Variants in CENPU observed in about 807,000 individuals in gnomAD.
CENPU encodes the protein centromere protein U.
Under a neutral mutation model 56.7 loss-of-function variants are expected in CENPU, and 46 were observed. The ratio of observed to expected loss-of-function variants is 0.81; its 90% CI spans 0.64 to 1.04. The LOEUF (loss-of-function observed/expected upper bound fraction) is 1.04, where lower values mean the gene tolerates loss of function less well. Among genes scored for constraint, CENPU ranks in the 50% least tolerant of loss-of-function variants. CENPU has a pLI of 0.00. For missense variants in CENPU, 510 were observed against 490.1 expected (o/e 1.04, Z -0.38); for synonymous variants, 166 against 163.0 (o/e 1.02, Z -0.14).
At chr4:184,698,383 C>A (rs1382924013) in intron 11 of CENPU, 1 of 152,186 alleles carries the variant, frequency 6.6e-6, no homozygotes, top group Non-Finnish European at 1.5e-5. Flanking sequence ...GCAAAGGCGG[C>A]AAATTTTGTA....
At position 184,717,126 on chromosome 4, in the gene CENPU, T is replaced by G. The variant is rs200700037; in HGVS notation, c.381+10A>C. The G allele has an allele frequency of 2.2e-4, 342 of 1,589,464 alleles. 3 individuals carry two copies. The African/African-American group carries it at 4.3e-3, about 20-fold the overall frequency. ...CAAATTAAAGTAGAAGAGTGAATAC[T>G]CCTACATACCTTTTTTGCACTAATT... On this transcript the variant is annotated intron_variant, in intron 5 of 12. Transcript: ENST00000281453.
Position 184,725,042 on chromosome 4 carries a change from C to A in CENPU, c.235G>T (p.Ala79Ser). 6.2e-7 allele frequency: 1 copy of A among 1,609,718 alleles called. No homozygotes were observed. The highest frequency in any genetic ancestry group is 8.5e-7 in the Non-Finnish European group (1 of 1,177,826). ...ETFDPPLHST[A>S]IYADEEEFSK... The stretch of plus-strand genomic sequence containing the variant: ...AATTCTTCTTCATCAGCATATATAG[C>A]TGTGCTATGTAAAGGAGGATCTTTC... Residue 79 changes from alanine (A) to serine (S), a missense_variant, in exon 4 of 13, where the codon GCT becomes TCT. By Grantham distance (99) the Ala-to-Ser change is moderately conservative. Coordinates refer to ENST00000281453, the MANE Select transcript of CENPU (RefSeq NM_024629.4).
At chr4:184,726,365 C>T (rs1369112642) in intron 3 of CENPU, among the ~76,000 whole-genome samples, 1 of 144,568 alleles carries the variant, frequency 6.9e-6, no homozygotes, top group African/African-American at 2.6e-5. Flanking sequence ...ATAAGAAGGT[C>T]AAAGGGAAAA....
At chr4:184,726,991 T>A in intron 3 of CENPU, among the ~76,000 whole-genome samples, 1 of 138,392 alleles carries the variant, frequency 7.2e-6, no homozygotes, top group Non-Finnish European at 1.5e-5. Context: ...GGGGGGCGCC[T>A]GGAATCCCAG....
rs186906950 is a variant in CENPU, at chr4:184,715,427, T to C, written c.618+970A>G. ...CCCGGGTTCAAGGTGATTCTCCTGC[T>C]ACAACCTTCTGAGTAGCTGCGATTA... On this transcript the variant is annotated intron_variant, in intron 6 of 12. Coordinates refer to ENST00000281453, the MANE Select transcript of CENPU (RefSeq NM_024629.4). Among the ~76,000 whole-genome samples, 366 of 152,268 alleles carry C rather than the reference T, an allele frequency of 2.4e-3. 1 individual carries two copies. Among genetic ancestry groups the C allele is most frequent in the Admixed American group, 0.013 (205 of 15,304 alleles).
intron 11 of CENPU, among the ~76,000 whole-genome samples, chr4:184,699,763 C>T (rs1163920969): frequency 1.3e-5 from 2 of 152,062 alleles, no homozygotes; most frequent in African/African-American, 4.8e-5. Flanking sequence ...CAGGTTCAAG[C>T]GATTCTCGTG....
chr4:184,694,245 C>A lies in CENPU; in HGVS notation c.*1043G>T. 8.8e-7 allele frequency: 1 copy of A among 1,132,174 alleles called. No individual in the cohort carries two copies. The allele number at this position is 1,132,174 out of a possible 1,614,324, so 70.1% of individuals were successfully genotyped here. A position where few individuals can be genotyped will look rare whatever the true frequency, so the allele number is the denominator to read the frequency against. On this transcript the variant is annotated 3_prime_UTR_variant, in exon 13 of 13. Transcript: ENST00000281453. Reference sequence around the variant, plus strand: ...CACTTGTTAAAAAATTAAATCCACCCTTGCTCTTCCGTCGGGGAGTATTGA... The same window carrying A: ...CACTTGTTAAAAAATTAAATCCACCATTGCTCTTCCGTCGGGGAGTATTGA...
intron 4 of CENPU, among the ~76,000 whole-genome samples, chr4:184,724,122 T>A (rs991597754): frequency 2.0e-5 from 3 of 151,506 alleles, no homozygotes; most frequent in Admixed American, 6.6e-5. Flanking sequence ...AAAAATCAGC[T>A]GGGCATGGTG....
At chr4:184,700,033 T>G (rs189881175) in intron 11 of CENPU, among the ~76,000 whole-genome samples, 2 of 152,366 alleles carry the variant, frequency 1.3e-5, no homozygotes, top group African/African-American at 2.4e-5. Flanking sequence ...CATTCTTTTC[T>G]GATAATATCA....
At position 184,697,756 on chromosome 4, in the gene CENPU, T is replaced by C. The variant is rs771709484; in HGVS notation, c.1034A>G (p.Lys345Arg). 3.7e-6 allele frequency: 6 copies of C among 1,611,856 alleles called. No individual in the cohort carries two copies. In the Admixed American group the frequency reaches 8.4e-5, roughly 23 times the overall value. Reference protein sequence around the residue: ...KQLQTKYDELKERKSSLRNAA... With the variant: ...KQLQTKYDELRERKSSLRNAA... ...ATTCCTAAGGGAAGACTTTCTCTCTTTAAGTTCATCATATTTTGTTTGTAG... is the reference window on the plus strand; with the variant it reads ...ATTCCTAAGGGAAGACTTTCTCTCTCTAAGTTCATCATATTTTGTTTGTAG... Residue 345 changes from lysine (K) to arginine (R), a missense_variant, in exon 12 of 13, where the codon AAA (lysine) becomes AGA (arginine). Physicochemically the swap from Lys to Arg is conservative, Grantham distance 26. Transcript: ENST00000281453.
intron 7 of CENPU, 21 bp downstream of exon 7, chr4:184,712,923 G>A: frequency 6.7e-7 from 1 of 1,497,918 alleles, no homozygotes; most frequent in Non-Finnish European, 9.2e-7. Context: ...GAGTGACAAA[G>A]TATAAAACAT....
At chr4:184,720,898 G>A (rs1761251881) in intron 4 of CENPU, among the ~76,000 whole-genome samples, 3 of 152,068 alleles carry the variant, frequency 2.0e-5, no homozygotes, top group Non-Finnish European at 4.4e-5. Flanking sequence ...AATTCAAGCA[G>A]AAAGAAAAGG....
At chr4:184,704,405 G>A (rs545242700) in intron 8 of CENPU, among the ~76,000 whole-genome samples, 2 of 152,066 alleles carry the variant, frequency 1.3e-5, no homozygotes, top group Non-Finnish European at 2.9e-5. Context: ...CTGTCCAAGT[G>A]TGTATCCTGG....
intron 11 of CENPU, among the ~76,000 whole-genome samples, chr4:184,700,410 G>C (rs969508911): frequency 6.6e-6 from 1 of 152,194 alleles, no homozygotes; most frequent in East Asian, 1.9e-4. Flanking sequence ...GTATAGGTAT[G>C]ATTATTATTA....
intron 5 of CENPU, 142 bp downstream of exon 5, chr4:184,716,994 T>C (rs1040280096): frequency 3.6e-5 from 23 of 638,006 alleles, no homozygotes; most frequent in African/African-American, 3.3e-4. Context: ...TAGAACTTTA[T>C]GAAAAATGGT....
At chr4:184,707,816 C>T (rs934215942) in intron 8 of CENPU, among the ~76,000 whole-genome samples, 1 of 152,190 alleles carries the variant, frequency 6.6e-6, no homozygotes, top group Non-Finnish European at 1.5e-5. Flanking sequence ...ATATCCGAAA[C>T]CTTACCAGAA....
intron 8 of CENPU, among the ~76,000 whole-genome samples, chr4:184,704,719 G>T (rs1454836807): frequency 6.6e-6 from 1 of 152,114 alleles, no homozygotes; most frequent in Non-Finnish European, 1.5e-5. Context: ...ACTCATATGA[G>T]GTACCCAGAA....
chr4:184,723,525 C>G (rs1343740720), intron 4 of CENPU, among the ~76,000 whole-genome samples: 3 of 152,148 alleles, frequency 2.0e-5, no homozygotes, highest in Non-Finnish European at 1.5e-5. Context: ...AAATGTATGA[C>G]TTTTACTGAT....
At chr4:184,710,706 T>C (rs1402038676) in intron 7 of CENPU, among the ~76,000 whole-genome samples, 10 of 152,312 alleles carry the variant, frequency 6.6e-5, no homozygotes, top group Non-Finnish European at 1.5e-5. Flanking sequence ...CCAGAGGCTG[T>C]TTCCTCAATG....
Sources: allele counts gnomAD v4.1 joint callset (sites outside exome capture counted in the v4.1 genomes callset), GRCh38; gene constraint gnomAD v4.1.1; transcripts MANE v1.5; gene names NCBI Gene and HGNC (gene_info 2026-07-23, HGNC 2026-07-21).